Variants in MARCHF1 observed in about 807,000 individuals in gnomAD.
MARCHF1 encodes the protein membrane associated ring-CH-type finger 1, also known as E3 ubiquitin-protein ligase MARCHF1.
A neutral mutation model predicts 54.2 loss-of-function variants in MARCHF1; 40 were observed. That is an observed-to-expected ratio of 0.74 (90% CI 0.57 to 0.96). MARCHF1 has a LOEUF of 0.96. Among genes scored for constraint, MARCHF1 ranks in the 40% least tolerant of loss-of-function variants. The pLI is 0.00. For synonymous variants in MARCHF1, 236 were observed against 236.3 expected (o/e 1.00, Z 0.01); for missense variants, 586 against 656.5 (o/e 0.89, Z 1.17).
At chr4:163,644,489 A>T (rs1242724942) in intron 5 of MARCHF1, among the ~76,000 whole-genome samples, 1 of 152,126 alleles carries the variant, frequency 6.6e-6, no homozygotes, top group Admixed American at 6.5e-5. Flanking sequence ...TAACGCAAGG[A>T]CCCAGAGGGA....
intron 1 of MARCHF1, among the ~76,000 whole-genome samples, chr4:164,262,991 A>G (rs1733508786): frequency 6.6e-6 from 1 of 151,744 alleles, no homozygotes; most frequent in African/African-American, 2.4e-5. Context: ...CTAGTGTAAT[A>G]AGTAAGTTAC....
At chr4:163,531,227 T>G (rs1352067743) in intron 9 of MARCHF1, among the ~76,000 whole-genome samples, 3 of 151,786 alleles carry the variant, frequency 2.0e-5, no homozygotes, top group African/African-American at 7.2e-5. Flanking sequence ...ATACAAAAAT[T>G]CTCAACAAAA....
At chr4:163,853,118 A>T (rs1749684454) in intron 4 of MARCHF1, among the ~76,000 whole-genome samples, 1 of 152,186 alleles carries the variant, frequency 6.6e-6, no homozygotes, top group African/African-American at 2.4e-5. Context: ...TTACCAGTTT[A>T]TGGTATTTTG....
intron 5 of MARCHF1, among the ~76,000 whole-genome samples, chr4:163,647,705 A>C (rs1274235552): frequency 6.6e-6 from 1 of 151,872 alleles, no homozygotes; most frequent in Non-Finnish European, 1.5e-5. Context: ...AAGAGTCTTG[A>C]GACAAATGAA....
intron 1 of MARCHF1, among the ~76,000 whole-genome samples, chr4:164,215,218 G>C (rs762536120): frequency 1.5e-4 from 23 of 152,132 alleles, no homozygotes; most frequent in Admixed American, 3.9e-4. Flanking sequence ...CAGCAGATGG[G>C]GGAGCCAGAA....
intron 4 of MARCHF1, among the ~76,000 whole-genome samples, chr4:163,738,324 T>C (rs114500506): frequency 6.6e-6 from 1 of 152,352 alleles, no homozygotes; most frequent in African/African-American, 2.4e-5. Context: ...CCATTTGAAC[T>C]ACTTGGCAGA....
At chr4:163,774,099 T>A (rs952411288) in intron 4 of MARCHF1, among the ~76,000 whole-genome samples, 1 of 152,214 alleles carries the variant, frequency 6.6e-6, no homozygotes, top group African/African-American at 2.4e-5. Flanking sequence ...AATCCACAGA[T>A]GCTCAACTTC....
intron 1 of MARCHF1, among the ~76,000 whole-genome samples, chr4:164,349,476 T>C (rs947125876): frequency 1.3e-5 from 2 of 152,190 alleles, no homozygotes; most frequent in Non-Finnish European, 2.9e-5. Flanking sequence ...TCAATCTTTA[T>C]ATAAGAAAGG....
At chr4:163,910,255 A>T (rs1293707390) in intron 3 of MARCHF1, among the ~76,000 whole-genome samples, 1 of 152,202 alleles carries the variant, frequency 6.6e-6, no homozygotes, top group Non-Finnish European at 1.5e-5. Flanking sequence ...GATCTCTTTC[A>T]TAATGATTCC....
intron 3 of MARCHF1, among the ~76,000 whole-genome samples, chr4:163,886,020 T>TA (rs11347045): frequency 0.19 from 27,197 of 142,884 alleles, 2,860 homozygotes; most frequent in South Asian, 0.32. Context: ...CATACCTAGC[T>TA]AAAAAAAAAA....
intron 5 of MARCHF1, among the ~76,000 whole-genome samples, chr4:163,672,080 G>C (rs1487355926): frequency 1.3e-5 from 2 of 152,118 alleles, no homozygotes; most frequent in East Asian, 3.8e-4. Flanking sequence ...GCAGGCTCAG[G>C]GGTCTGATAT....
chr4:163,944,911 C>G (rs527469539), intron 3 of MARCHF1, among the ~76,000 whole-genome samples: 39 of 152,270 alleles, frequency 2.6e-4, no homozygotes, highest in African/African-American at 9.4e-4. Context: ...AACCATAAAG[C>G]CACCTGTATT....
intron 2 of MARCHF1, among the ~76,000 whole-genome samples, chr4:164,106,780 A>T (rs1307309181): frequency 1.2e-4 from 14 of 117,230 alleles, no homozygotes; most frequent in South Asian, 6.9e-4. Context: ...AATAAAAAAT[A>T]AAAAAAAAAA....
intron 4 of MARCHF1, among the ~76,000 whole-genome samples, chr4:163,807,804 A>G (rs577416215): frequency 1.7e-5 from 1 of 58,006 alleles, no homozygotes; most frequent in South Asian, 9.6e-4. Context: ...TAGTGAAATC[A>G]TAGGTTTTTT....
chr4:164,145,341 A>C (rs1579571525), intron 1 of MARCHF1, among the ~76,000 whole-genome samples: 1 of 152,206 alleles, frequency 6.6e-6, no homozygotes, highest in East Asian at 1.9e-4. Flanking sequence ...CATCATCCTG[A>C]TACCAAAGCC....
At chr4:163,605,777 A>G (rs1296502326) in intron 7 of MARCHF1, among the ~76,000 whole-genome samples, 1 of 152,152 alleles carries the variant, frequency 6.6e-6, no homozygotes, top group African/African-American at 2.4e-5. Flanking sequence ...GAAGCTGGAA[A>G]CCATCATTCT....
At chr4:163,790,479 T>C (rs1217570864) in intron 4 of MARCHF1, among the ~76,000 whole-genome samples, 1 of 152,082 alleles carries the variant, frequency 6.6e-6, no homozygotes, top group Non-Finnish European at 1.5e-5. Context: ...AATATTTCAT[T>C]TGTCTATGCA....
At chr4:163,719,589 C>A (rs1458735756) in intron 4 of MARCHF1, among the ~76,000 whole-genome samples, 4 of 152,040 alleles carry the variant, frequency 2.6e-5, no homozygotes, top group African/African-American at 9.7e-5. Context: ...ACTTCTAGAT[C>A]CTTGAGGAAT....
chr4:164,266,397 A>G (rs575134910), intron 1 of MARCHF1, among the ~76,000 whole-genome samples: 99 of 152,340 alleles, frequency 6.5e-4, no homozygotes, highest in Non-Finnish European at 1.2e-3. Flanking sequence ...ATGCTAGCCA[A>G]TATGGTTATT....
Sources: allele counts gnomAD v4.1 joint callset (sites outside exome capture counted in the v4.1 genomes callset), GRCh38; gene constraint gnomAD v4.1.1; transcripts MANE v1.5; gene names NCBI Gene and HGNC (gene_info 2026-07-23, HGNC 2026-07-21).